Variants in MTUS2 observed in about 807,000 individuals in gnomAD.
MTUS2 encodes the protein microtubule associated scaffold protein 2.
Under a neutral mutation model 114.1 loss-of-function variants are expected in MTUS2, and 40 were observed. The ratio of observed to expected loss-of-function variants is 0.35; its 90% CI spans 0.27 to 0.46. The LOEUF is 0.46. MTUS2 is among the 20% of genes least tolerant of loss of function. The probability of loss-of-function intolerance (pLI) is 1.00; values close to 1 mark genes in which losing one functional copy is unlikely to be tolerated. For synonymous variants in MTUS2, 688 were observed against 672.0 expected (o/e 1.02, Z -0.37); for missense variants, 1,679 against 1,705.4 (o/e 0.98, Z 0.27).
chr13:29,052,177 T>C (rs1042683481), intron 4 of MTUS2, among the ~76,000 whole-genome samples: 1 of 152,156 alleles, frequency 6.6e-6, no homozygotes, highest in Non-Finnish European at 1.5e-5. Flanking sequence ...TTTGCTCAGC[T>C]TTTTTCTTAG....
chr13:29,035,153 A>C (rs1200827910), intron 4 of MTUS2, among the ~76,000 whole-genome samples: 1 of 152,304 alleles, frequency 6.6e-6, no homozygotes, highest in East Asian at 1.9e-4. Context: ...CTAGAAGTAC[A>C]CATATGAGGG....
intron 5 of MTUS2, among the ~76,000 whole-genome samples, chr13:29,169,422 TC>T (rs576905102): frequency 3.9e-4 from 60 of 152,294 alleles, no homozygotes; most frequent in African/African-American, 1.4e-3. Context: ...TGTGATTCAT[TC>T]TTTTTTGTAT....
intron 7 of MTUS2, among the ~76,000 whole-genome samples, chr13:29,353,184 A>AT (rs1009367949): frequency 9.9e-5 from 15 of 151,874 alleles, no homozygotes; most frequent in African/African-American, 3.1e-4. Context: ...TTGCCATAGT[A>AT]TTTTTTTTAG....
intron 2 of MTUS2, among the ~76,000 whole-genome samples, chr13:28,984,412 A>G (rs142002863): frequency 3.3e-5 from 5 of 152,296 alleles, no homozygotes; most frequent in African/African-American, 1.2e-4. Context: ...AGACTTCTGC[A>G]TCTGGTTTTG....
intron 9 of MTUS2, among the ~76,000 whole-genome samples, chr13:29,441,207 G>A (rs977773328): frequency 1.3e-5 from 2 of 151,986 alleles, no homozygotes; most frequent in Non-Finnish European, 2.9e-5. Context: ...CCCCCACCAG[G>A]AGAAGCCCAG....
intron 6 of MTUS2, among the ~76,000 whole-genome samples, chr13:29,292,423 G>C (rs1416005748): frequency 6.6e-6 from 1 of 152,212 alleles, no homozygotes; most frequent in Non-Finnish European, 1.5e-5. Flanking sequence ...ACAAACATCT[G>C]AGTGCTTGCT....
intron 5 of MTUS2, among the ~76,000 whole-genome samples, chr13:29,237,004 G>A (rs1249283598): frequency 1.3e-5 from 2 of 152,170 alleles, no homozygotes; most frequent in African/African-American, 2.4e-5. Flanking sequence ...GTTTTCATCT[G>A]TACCCATTAA....
intron 1 of MTUS2, among the ~76,000 whole-genome samples, chr13:28,825,116 C>G (rs1249656630): frequency 1.3e-5 from 2 of 152,186 alleles, no homozygotes; most frequent in African/African-American, 4.8e-5. Flanking sequence ...CTCCAGCCAC[C>G]TGAGGCTGCC....
chr13:29,086,639 C>T (rs989396974), intron 4 of MTUS2, among the ~76,000 whole-genome samples: 5 of 152,084 alleles, frequency 3.3e-5, no homozygotes, highest in East Asian at 1.9e-4. Flanking sequence ...TTTGAGAATA[C>T]GTTTTTCTAG....
intron 2 of MTUS2, among the ~76,000 whole-genome samples, chr13:28,938,122 C>T (rs573261846): frequency 2.2e-4 from 34 of 152,254 alleles, no homozygotes; most frequent in Admixed American, 1.4e-3. Flanking sequence ...CGGTGGCTCA[C>T]GTCTGCAATC....
intron 5 of MTUS2, among the ~76,000 whole-genome samples, chr13:29,227,129 T>C: frequency 6.6e-6 from 1 of 151,786 alleles, no homozygotes; most frequent in East Asian, 1.9e-4. Context: ...TGTGGTAGTG[T>C]GTGCCTGTAA....
intron 5 of MTUS2, among the ~76,000 whole-genome samples, chr13:29,279,152 T>G (rs1898175236): frequency 6.6e-6 from 1 of 152,188 alleles, no homozygotes; most frequent in South Asian, 2.1e-4. Flanking sequence ...TGAGGTAGAT[T>G]ATCACTATCC....
intron 5 of MTUS2, among the ~76,000 whole-genome samples, chr13:29,133,365 A>G (rs1017085932): frequency 3.3e-5 from 5 of 152,182 alleles, no homozygotes; most frequent in African/African-American, 1.2e-4. Flanking sequence ...TAAAATTTTC[A>G]GAAGTCCTCA....
intron 5 of MTUS2, among the ~76,000 whole-genome samples, chr13:29,260,186 A>G (rs1474719402): frequency 6.6e-6 from 1 of 152,284 alleles, no homozygotes; most frequent in East Asian, 1.9e-4. Flanking sequence ...TTTGAAAGGC[A>G]GCACCATCTG....
intron 1 of MTUS2, among the ~76,000 whole-genome samples, chr13:28,829,534 A>G (rs553844838): frequency 1.3e-5 from 2 of 152,300 alleles, no homozygotes; most frequent in South Asian, 4.1e-4. Context: ...TCCGTCTAAA[A>G]AAAAAAACAA....
chr13:29,076,244 C>T (rs1408072669), intron 4 of MTUS2, among the ~76,000 whole-genome samples: 1 of 152,158 alleles, frequency 6.6e-6, no homozygotes, highest in African/African-American at 2.4e-5. Flanking sequence ...TTACAGCTTC[C>T]ACTCATTGCC....
intron 8 of MTUS2, among the ~76,000 whole-genome samples, chr13:29,389,467 G>GTATGTATACACGTGTGTGTATGTGTA (rs1873011551): frequency 4.0e-5 from 3 of 74,088 alleles, no homozygotes; most frequent in Admixed American, 1.4e-4. Flanking sequence ...GTGTGTATGT[G>GTATGTATACACGTGTGTGTATGTGTA]TATATGTATA....
chr13:29,231,431 C>G (rs1417103148), intron 5 of MTUS2, among the ~76,000 whole-genome samples: 1 of 152,206 alleles, frequency 6.6e-6, no homozygotes, highest in African/African-American at 2.4e-5. Flanking sequence ...ATAGAGCTTA[C>G]AGTGCTCACA....
intron 11 of MTUS2, among the ~76,000 whole-genome samples, chr13:29,491,814 GGGTA>G (rs1213598281): frequency 2.8e-5 from 3 of 107,146 alleles, no homozygotes; most frequent in Non-Finnish European, 6.8e-5. Context: ...GATGTGTGTG[GGGTA>G]GGTGTGTGTG....
Sources: gnomAD v4.1 joint callset for allele counts (sites outside exome capture counted in the v4.1 genomes callset) on GRCh38, gnomAD v4.1.1 for gene constraint, MANE v1.5 for transcripts, NCBI Gene and HGNC (gene_info 2026-07-23, HGNC 2026-07-21) for gene names.